The following RORB variants were observed in gnomAD, a reference collection of about 807,000 sequenced individuals.
RORB encodes the protein nuclear receptor ROR-beta.
RORB carries 6 observed loss-of-function variants against 59.1 expected under a neutral mutation model. The observed-to-expected ratio is 0.10, with a 90% confidence interval of 0.06 to 0.20. RORB has a LOEUF of 0.20. Among genes scored for constraint, RORB ranks in the 10% least tolerant of loss-of-function variants. RORB has a pLI of 1.00. For missense variants in RORB, 320 were observed against 560.5 expected, an observed-to-expected ratio of 0.57 and a Z score of 4.33; for synonymous variants, 215 against 204.5, an observed-to-expected ratio of 1.05 and a Z score of -0.44.
intron 4 of RORB, among the ~76,000 whole-genome samples, chr9:74,657,438 A>G (rs966428150): frequency 6.6e-6 from 1 of 152,180 alleles, no homozygotes; most frequent in Non-Finnish European, 1.5e-5. Flanking sequence ...TAAAGGTTGT[A>G]AAGATATAAG....
intron 1 of RORB, among the ~76,000 whole-genome samples, chr9:74,616,469 G>A (rs941640899): frequency 1.8e-4 from 27 of 151,690 alleles, no homozygotes; most frequent in Middle Eastern, 3.4e-3. Flanking sequence ...AGGAAAAAAA[G>A]TAGATACTGT....
At chr9:74,590,701 T>G in intron 1 of RORB, among the ~76,000 whole-genome samples, 1 of 152,264 alleles carries the variant, frequency 6.6e-6, no homozygotes, top group East Asian at 1.9e-4. Flanking sequence ...TTTTAGATTT[T>G]GCAGACATAC....
At position 74,667,830 on chromosome 9, in the gene RORB, A is replaced by T; in HGVS notation, c.1040A>T (p.Lys347Met). The change falls in exon 8 of 10, where the codon AAG (lysine) becomes ATG (methionine). Residue 347 changes from lysine to methionine, a missense_variant. This residue lies in a region of RORB where 109 missense variants were observed against 171.0 expected (regional missense o/e 0.64). Coordinates refer to ENST00000376896, the MANE Select transcript of RORB (RefSeq NM_006914.4). ...DLVNEAFDFAKNLCSLQLTEE... is the reference protein window; with the variant it reads ...DLVNEAFDFAMNLCSLQLTEE... ...GTGAATGAAGCATTTGACTTTGCAA[A>T]GAATTTGTGTTCCTTGCAGCTGACC... is the stretch of plus-strand genomic sequence containing the variant. 6.2e-7 allele frequency: 1 copy of T among 1,613,688 alleles called. No individual in the cohort carries two copies. Among genetic ancestry groups the T allele is most frequent in the Non-Finnish European group, 8.5e-7 (1 of 1,179,618 alleles).
At chr9:74,643,047 T>C (rs1241711553) in intron 4 of RORB, among the ~76,000 whole-genome samples, 1 of 152,228 alleles carries the variant, frequency 6.6e-6, no homozygotes, top group African/African-American at 2.4e-5. Context: ...AATAGAAAGA[T>C]GCTATCTGTA....
intron 1 of RORB, among the ~76,000 whole-genome samples, chr9:74,516,062 C>T (rs1191404086): frequency 6.6e-6 from 1 of 152,074 alleles, no homozygotes; most frequent in African/African-American, 2.4e-5. Context: ...AGGCTAGTTA[C>T]AATCCCAGGC....
In RORB at chr9:74,692,806, G is replaced by A. The variant is rs1824767022; in HGVS notation, c.*7188G>A. 6.6e-6 allele frequency: 1 copy of A among 152,100 alleles called. No homozygotes were observed. Among genetic ancestry groups the A allele is most frequent in the African/African-American group, 2.4e-5 (1 of 41,404 alleles). 9.4% of individuals were successfully genotyped at this position (152,100 alleles called of 1,614,324 possible). A position where few individuals can be genotyped will look rare whatever the true frequency, so the allele number is the denominator to read the frequency against. The stretch of plus-strand genomic sequence containing the variant: ...AAAAGGCAAACCACAAATAAACCCA[G>A]TGACATATATAGTTTTAAAATCTAC... On this transcript the variant is annotated 3_prime_UTR_variant, in exon 10 of 10. Coordinates refer to ENST00000376896, the MANE Select transcript of RORB (RefSeq NM_006914.4).
intron 1 of RORB, among the ~76,000 whole-genome samples, chr9:74,553,260 A>G (rs1399168123): frequency 1.3e-5 from 2 of 152,184 alleles, no homozygotes; most frequent in Admixed American, 6.6e-5. Context: ...TGAGACTTAC[A>G]TAGTTTGCCT....
intron 1 of RORB, among the ~76,000 whole-genome samples, chr9:74,604,195 T>G (rs1251632815): frequency 6.6e-6 from 1 of 152,260 alleles, no homozygotes; most frequent in African/African-American, 2.4e-5. Context: ...GTTGATTCAT[T>G]TTTTGAATAA....
intron 9 of RORB, among the ~76,000 whole-genome samples, chr9:74,681,133 G>C (rs1407253427): frequency 6.6e-6 from 1 of 152,150 alleles, no homozygotes; most frequent in Admixed American, 6.5e-5. Flanking sequence ...GGAATTTCAC[G>C]ATGATTTAAA....
At chr9:74,536,075 C>A (rs1826318178) in intron 1 of RORB, among the ~76,000 whole-genome samples, 1 of 152,030 alleles carries the variant, frequency 6.6e-6, no homozygotes, top group South Asian at 2.1e-4. Flanking sequence ...ACGTATTTCT[C>A]TGCTTACATG....
At chr9:74,666,635 A>G (rs1361705018) in intron 7 of RORB, among the ~76,000 whole-genome samples, 1 of 151,996 alleles carries the variant, frequency 6.6e-6, no homozygotes, top group African/African-American at 2.4e-5. Flanking sequence ...TCTTATGTCA[A>G]TTTATCATCA....
chr9:74,520,836 C>A (rs535091334), intron 1 of RORB, among the ~76,000 whole-genome samples: 3 of 151,876 alleles, frequency 2.0e-5, no homozygotes, highest in African/African-American at 7.2e-5. Flanking sequence ...TAGAGTCTTA[C>A]ATATTCTATA....
chr9:74,659,925 T>C (rs1824152879), intron 4 of RORB, among the ~76,000 whole-genome samples: 1 of 152,170 alleles, frequency 6.6e-6, no homozygotes. Flanking sequence ...AGAAAAAGGT[T>C]ATTATATAAA....
intron 7 of RORB, among the ~76,000 whole-genome samples, chr9:74,666,148 A>G (rs530387959): frequency 9.2e-5 from 14 of 152,212 alleles, no homozygotes; most frequent in Non-Finnish European, 1.9e-4. Context: ...TTAGCCACGC[A>G]TGGTGGCTGA....
At chr9:74,607,400 T>G (rs1231157716) in intron 1 of RORB, among the ~76,000 whole-genome samples, 1 of 152,164 alleles carries the variant, frequency 6.6e-6, no homozygotes, top group African/African-American at 2.4e-5. Context: ...GGCTTGCCAC[T>G]TTACATAAGC....
intron 1 of RORB, among the ~76,000 whole-genome samples, chr9:74,614,865 T>C (rs1823286676): frequency 6.6e-6 from 1 of 152,184 alleles, no homozygotes; most frequent in South Asian, 2.1e-4. Flanking sequence ...GAAATTTCTG[T>C]CTTTGTTTCT....
intron 8 of RORB, 107 bp downstream of exon 8, chr9:74,668,008 C>T (rs1587415578): frequency 1.5e-6 from 1 of 677,814 alleles, no homozygotes; most frequent in East Asian, 2.7e-5. Context: ...TTTAACAGAG[C>T]TATATTTTCT....
chr9:74,547,803 TTTATG>T (rs1563933959), intron 1 of RORB, among the ~76,000 whole-genome samples: 1 of 152,174 alleles, frequency 6.6e-6, no homozygotes, highest in Non-Finnish European at 1.5e-5. Context: ...AGAATTTATT[TTTATG>T]TTAAGTAAAA....
intron 1 of RORB, among the ~76,000 whole-genome samples, chr9:74,623,441 C>CTT (rs35945048): frequency 1.7e-3 from 251 of 145,394 alleles, no homozygotes; most frequent in South Asian, 3.7e-3. Flanking sequence ...TTTTCTCTCT[C>CTT]TTTTTTTTTT....
Sources: allele counts gnomAD v4.1 joint callset (sites outside exome capture counted in the v4.1 genomes callset), GRCh38; gene constraint gnomAD v4.1.1; regional missense constraint gnomAD v4.1.1; transcripts MANE v1.5; gene names NCBI Gene and HGNC (gene_info 2026-07-23, HGNC 2026-07-21).